The following OR2T11 variants were observed in gnomAD, a reference collection of about 807,000 sequenced individuals.
OR2T11 encodes the protein olfactory receptor 2T11.
Under a neutral mutation model 13.5 loss-of-function variants are expected in OR2T11, and 14 were observed. The observed-to-expected ratio is 1.04, with a 90% confidence interval of 0.69 to 1.62. The LOEUF is 1.62. OR2T11 is among the 40% of genes most tolerant of loss of function. The pLI is 0.00. For synonymous variants in OR2T11, 163 were observed against 154.6 expected, an observed-to-expected ratio of 1.05 and a Z score of -0.40; for missense variants, 410 against 389.7, an observed-to-expected ratio of 1.05 and a Z score of -0.44.
At chr1:248,632,105 TAAGAAA>T (rs140817635) in intron 1 of OR2T11, among the ~76,000 whole-genome samples, 1,499 of 143,892 alleles carry the variant, frequency 0.01, 200 homozygotes, top group Middle Eastern at 0.021. Context: ...ACATGTACCC[TAAGAAA>T]AAGAAAAACA....
Position 248,626,898 on chromosome 1 carries a change from T to G in OR2T11, c.231A>C (p.Lys77Asn). 1 of 1,567,458 alleles carries G rather than the reference T, an allele frequency of 6.4e-7. No individual in the cohort carries two copies. The part of the protein sequence containing the change: ...DTLFICTTVP[K>N]LLADMVSKEK... ...CTTTAGAAACCATGTCTGCCAGGAG[T>G]TTTGGGACAGTGGTACAGATGAAAA... Residue 77 changes from lysine to asparagine, a missense_variant, in exon 2 of 2, where the codon AAA becomes AAC. By Grantham distance (94) the Lys-to-Asn change is moderately conservative. Coordinates refer to ENST00000641193, the MANE Select transcript of OR2T11 (RefSeq NM_001001964.2).
chr1:248,632,338 TA>T (rs1432763717), intron 1 of OR2T11, among the ~76,000 whole-genome samples: 4 of 141,256 alleles, frequency 2.8e-5, no homozygotes, highest in Admixed American at 2.8e-4. Flanking sequence ...TGAAGACCTC[TA>T]ATGGACAGAT....
Position 248,626,292 on chromosome 1 carries a change from C to T in OR2T11, c.837G>A (p.Thr279=), listed in dbSNP as rs774253846. 3.3e-5 allele frequency: 51 copies of T among 1,568,022 alleles called. 3 individuals carry two copies. The highest frequency in any genetic ancestry group is 3.7e-5 in the Non-Finnish European group (43 of 1,152,014). Residue 279 remains threonine (T), a synonymous_variant, in exon 2 of 2, where the codon ACG becomes ACA. Coordinates refer to ENST00000641193, the MANE Select transcript of OR2T11 (RefSeq NM_001001964.2). ...TGTAGATGAGAGGATTAAGCATGGG[C>T]GTGACAATGGTATAGAAGGCTGACA... ...KVVSAFYTIV[T]PMLNPLIYSL... is the part of the protein sequence containing the mutation.
chr1:248,628,126 C>T (rs1183431165), intron 1 of OR2T11, among the ~76,000 whole-genome samples: 1 of 143,096 alleles, frequency 7.0e-6, no homozygotes, highest in African/African-American at 2.8e-5. Context: ...CCAAGCTACA[C>T]GTCTGCCAGC....
chr1:248,631,135 C>T (rs1166596251), intron 1 of OR2T11, among the ~76,000 whole-genome samples: 3 of 143,144 alleles, frequency 2.1e-5, no homozygotes, highest in African/African-American at 5.5e-5. Context: ...CCAGTGAGAC[C>T]GGTTTCCAAC....
In OR2T11 at chr1:248,625,957, T is replaced by A. The variant is rs1446224863; in HGVS notation, c.*221A>T. ...CCCTAAATAAAAAGACTAGATAAAT[T>A]ATTTAACTTCATAATAAACCATTTT... On this transcript the variant is annotated 3_prime_UTR_variant, in exon 2 of 2. Coordinates refer to ENST00000641193, the MANE Select transcript of OR2T11 (RefSeq NM_001001964.2). 2 of 372,048 alleles carry A rather than the reference T, an allele frequency of 5.4e-6. No individual in the cohort carries two copies. Among genetic ancestry groups the A allele is most frequent in the Non-Finnish European group, 9.5e-6 (2 of 210,952 alleles). The allele number at this position is 372,048 out of a possible 1,614,324, so 23.0% of individuals were successfully genotyped here.
rs533829341 is a variant in OR2T11, at chr1:248,632,654, CCTCT to C, written c.-145+2380_-145+2383del. Among the ~76,000 whole-genome samples the C allele has an allele frequency of 6.1e-4, 63 of 103,598 alleles. 4 individuals are homozygous for C. The highest frequency in any genetic ancestry group is 2.6e-3 in the African/African-American group (63 of 24,590). 68.0% of individuals were successfully genotyped at this position (103,598 alleles called of 152,430 possible). A position where few individuals can be genotyped will look rare whatever the true frequency, so the allele number is the denominator to read the frequency against. On this transcript the variant is annotated intron_variant, in intron 1 of 1. Coordinates refer to ENST00000641193, the MANE Select transcript of OR2T11 (RefSeq NM_001001964.2). ...TTGCCAATCAAGCGGTCTTTTCAGGCCTCTCTTAGGTGGAGTCATGAAAACAACT... is the reference window on the plus strand; with the variant it reads ...TTGCCAATCAAGCGGTCTTTTCAGGCCTTAGGTGGAGTCATGAAAACAACT...
chr1:248,626,903 G>A lies in OR2T11; in HGVS notation c.226C>T (p.Pro76Ser), dbSNP rs1558172258. Residue 76 changes from proline (P) to serine (S), a missense_variant, in exon 2 of 2, where the codon CCA (proline) becomes TCA (serine). Pro to Ser is a moderately conservative substitution (Grantham distance 74). Coordinates refer to ENST00000641193, the MANE Select transcript of OR2T11 (RefSeq NM_001001964.2). ...MDTLFICTTV[P>S]KLLADMVSKE... ...GAAACCATGTCTGCCAGGAGTTTTG[G>A]GACAGTGGTACAGATGAAAAGGGTG... The A allele has an allele frequency of 1.3e-6, 2 of 1,570,342 alleles. No individual in the cohort carries two copies. The highest frequency in any genetic ancestry group is 1.7e-6 in the Non-Finnish European group (2 of 1,154,426).
rs1352468865 is a variant in OR2T11 at position 248,634,682 on chromosome 1, CGTT to C, written c.-145+353_-145+355del. On this transcript the variant is annotated intron_variant, in intron 1 of 1. Coordinates refer to ENST00000641193, the MANE Select transcript of OR2T11 (RefSeq NM_001001964.2). ...ACTTCTTTGTAGAGTCAGGACCTGA[CGTT>C]TCAGTCATTTTGTTTTCACAGAATT... Among the ~76,000 whole-genome samples the C allele has an allele frequency of 2.2e-5, 3 of 138,040 alleles. No homozygotes were observed. The East Asian group carries it at 6.3e-4, about 29-fold the overall frequency. 90.6% of individuals were successfully genotyped at this position (138,040 alleles called of 152,430 possible). A position where few individuals can be genotyped will look rare whatever the true frequency, so the allele number is the denominator to read the frequency against.
intron 1 of OR2T11, among the ~76,000 whole-genome samples, chr1:248,634,425 T>C (rs1400864060): frequency 1.4e-5 from 2 of 142,642 alleles, no homozygotes; most frequent in Non-Finnish European, 3.0e-5. Flanking sequence ...TCCTGGCCTT[T>C]ATTACCTGGG....
intron 1 of OR2T11, among the ~76,000 whole-genome samples, chr1:248,631,829 AGAGGGCAATGACT>A (rs1660619893): frequency 7.0e-6 from 1 of 143,186 alleles, no homozygotes; most frequent in South Asian, 2.2e-4. Context: ...GTGCAATTGC[AGAGGGCAATGACT>A]CATCTCCCAG....
Position 248,630,765 on chromosome 1 carries a change from A to C in OR2T11, c.-144-3493T>G, listed in dbSNP as rs1660598963. Among the ~76,000 whole-genome samples the C allele has an allele frequency of 2.1e-5, 3 of 143,424 alleles. 1 individual carries two copies. In the South Asian group the frequency reaches 6.6e-4, roughly 31 times the overall value. 94.1% of individuals were successfully genotyped at this position (143,424 alleles called of 152,430 possible). On this transcript the variant is annotated intron_variant, in intron 1 of 1. Transcript: ENST00000641193. ...CCACATGTGGGCAGAATCATCTTCC[A>C]CCTCCAGCAAAGGTCCTCATGTGCT...
chr1:248,630,967 G>T lies in OR2T11; in HGVS notation c.-144-3695C>A, dbSNP rs533120769. 1.2e-4 allele frequency among the ~76,000 whole-genome samples: 17 copies of T among 143,124 alleles called. 3 individuals are homozygous for T. Among genetic ancestry groups the T allele is most frequent in the Non-Finnish European group, 2.4e-4 (16 of 66,212 alleles). 93.9% of individuals were successfully genotyped at this position (143,124 alleles called of 152,430 possible). ...GAGTCAGAGACGTGATATGAAAACA[G>T]GTCGGAGGGACTCAGTCGGTCTCCG... On this transcript the variant is annotated intron_variant, in intron 1 of 1. Transcript: ENST00000641193.
At position 248,624,749 on chromosome 1, in the gene OR2T11, G is replaced by A. The variant is rs1163285528; in HGVS notation, c.*1429C>T. ...CTTTCTGTATTTATGTATTTATCTT[G>A]AGACAAGGCCTCTCTGCCAGTCAGG... On this transcript the variant is annotated 3_prime_UTR_variant, in exon 2 of 2. Transcript: ENST00000641193. 6.9e-6 allele frequency: 1 copy of A among 143,940 alleles called. No homozygotes were observed. Among genetic ancestry groups the A allele is most frequent in the Non-Finnish European group, 1.5e-5 (1 of 66,412 alleles). The allele number at this position is 143,940 out of a possible 1,614,324, so 8.9% of individuals were successfully genotyped here.
Position 248,626,958 on chromosome 1 carries a change from G to A in OR2T11, c.171C>T (p.Tyr57=). The A allele has an allele frequency of 6.4e-7, 1 of 1,572,456 alleles. No homozygotes were observed. Among genetic ancestry groups the A allele is most frequent in the Non-Finnish European group, 8.6e-7 (1 of 1,156,364 alleles). Residue 57 remains tyrosine (Y), a synonymous_variant, in exon 2 of 2, where the codon TAC becomes TAT. Transcript: ENST00000641193. ...TGATGGACAGCTGACTGAGCAGAAAGTACATGGGGGTGTGGAGGCGAGAGT... is the reference window on the plus strand; with the variant it reads ...TGATGGACAGCTGACTGAGCAGAAAATACATGGGGGTGTGGAGGCGAGAGT... ...QVDSRLHTPM[Y]FLLSQLSIMD...
chr1:248,630,818 CTT>C (rs1328596614), intron 1 of OR2T11, among the ~76,000 whole-genome samples: 1 of 143,308 alleles, frequency 7.0e-6, no homozygotes. Flanking sequence ...AATATGCTCT[CTT>C]AAGTGGCAAA....
rs1331618307 is a variant in OR2T11 at position 248,626,198 on chromosome 1, C to A, written c.931G>T (p.Val311Leu). Residue 311 changes from valine (V) to leucine (L), a missense_variant, in exon 2 of 2, where the codon GTA becomes TTA. Val to Leu is a conservative substitution (Grantham distance 32). Coordinates refer to ENST00000641193, the MANE Select transcript of OR2T11 (RefSeq NM_001001964.2). ...ACTCTCTAAGCATCACTTGTTGCTA[C>A]TTTCTGAGCAGATGAGCAACATGCA... is the stretch of plus-strand genomic sequence containing the variant. ...VFACCSSAQK[V>L]ATSDA 3 of 1,529,410 alleles carry A rather than the reference C, an allele frequency of 2.0e-6. No homozygotes were observed. 94.7% of individuals were successfully genotyped at this position (1,529,410 alleles called of 1,614,324 possible).
intron 1 of OR2T11, among the ~76,000 whole-genome samples, chr1:248,634,682 C>CA (rs1660661654): frequency 7.2e-6 from 1 of 138,170 alleles, no homozygotes. Context: ...CAGGACCTGA[C>CA]GTTTCAGTCA....
At position 248,626,776 on chromosome 1, in the gene OR2T11, T is replaced by C. The variant is rs1378214575; in HGVS notation, c.353A>G (p.Asp118Gly). ...EFFLLGLMAY[D>G]CYVAVCNPLR... ...AGGGTTACAGACAGCCACGTAGCAG[T>C]CATAGGCCATGAGGCCCAGGAGGAA... The change falls in exon 2 of 2, where the codon GAC (aspartate) becomes GGC (glycine). Residue 118 changes from aspartate to glycine, a missense_variant. Transcript: ENST00000641193. 15 of 1,569,880 alleles carry C rather than the reference T, an allele frequency of 9.6e-6. 1 individual carries two copies. The highest frequency in any genetic ancestry group is 1.2e-5 in the Non-Finnish European group (14 of 1,154,786).
Sources: allele counts gnomAD v4.1 joint callset (sites outside exome capture counted in the v4.1 genomes callset), GRCh38; gene constraint gnomAD v4.1.1; transcripts MANE v1.5; gene names NCBI Gene and HGNC (gene_info 2026-07-23, HGNC 2026-07-21).